The following NVL variants were observed in gnomAD, a reference collection of about 807,000 sequenced individuals.
NVL encodes nuclear VCP like, also known as nuclear valosin-containing protein-like.
In NVL, 84 loss-of-function variants were observed where a neutral mutation model predicts 110.2. That is an observed-to-expected ratio of 0.76 (90% CI 0.64 to 0.91). The LOEUF (loss-of-function observed/expected upper bound fraction) is 0.91. NVL is among the 40% of genes least tolerant of loss of function. The pLI, the probability that NVL is intolerant of heterozygous loss-of-function variation, is 0.00. For missense variants in NVL, 882 were observed against 1,035.9 expected (o/e 0.85, Z 2.04); for synonymous variants, 354 against 361.1 (o/e 0.98, Z 0.22).
intron 4 of NVL, among the ~76,000 whole-genome samples, chr1:224,317,143 G>GAA (rs1237165279): frequency 1.4e-4 from 10 of 69,876 alleles, no homozygotes; most frequent in Non-Finnish European, 1.6e-4. Flanking sequence ...AATCTCAAAA[G>GAA]AAAAAAAAAA....
Position 224,227,676 on chromosome 1 carries a change from A to AGG in NVL, c.2527-8_2527-7dup. The AGG allele has an allele frequency of 6.2e-7, 1 of 1,610,092 alleles. No individual in the cohort carries two copies. The highest frequency in any genetic ancestry group is 8.5e-7 in the Non-Finnish European group (1 of 1,177,346). On this transcript the variant is annotated splice_polypyrimidine_tract_variant and splice_region_variant and intron_variant, in intron 22 of 22. Transcript: ENST00000281701. ...CGTTCATACATGATTTGATCCTGAA[A>AGG]GGAGGGAGAACACAGAATACAGAGA...
In NVL at chr1:224,295,470, G is replaced by C. The variant is rs1200994534; in HGVS notation, c.1180+1031C>G. On this transcript the variant is annotated intron_variant, in intron 11 of 22. Transcript: ENST00000281701. Reference sequence around the variant, plus strand: ...CCACCTCGGCCTCCCAAAGTGCTAAGATTACAGGCATGAGCCACTGCGCCC... The same window carrying C: ...CCACCTCGGCCTCCCAAAGTGCTAACATTACAGGCATGAGCCACTGCGCCC... Among the ~76,000 whole-genome samples the C allele has an allele frequency of 2.6e-5, 4 of 152,042 alleles. No homozygotes were observed. In the East Asian group the frequency reaches 5.8e-4, roughly 22 times the overall value.
intron 17 of NVL, among the ~76,000 whole-genome samples, chr1:224,270,360 C>A (rs558269164): frequency 8.6e-4 from 131 of 152,112 alleles, no homozygotes; most frequent in Non-Finnish European, 1.5e-3. Context: ...AGTGCAAGAC[C>A]AGCCTGGCCA....
intron 15 of NVL, among the ~76,000 whole-genome samples, chr1:224,282,921 C>T (rs1666510893): frequency 6.6e-6 from 1 of 152,152 alleles, no homozygotes; most frequent in Non-Finnish European, 1.5e-5. Flanking sequence ...ATATGTATCT[C>T]TAGGTTTCTA....
chr1:224,305,244 T>C (rs1483990037), intron 6 of NVL, 78 bp from the exon 7 acceptor site: 6 of 1,433,952 alleles, frequency 4.2e-6, no homozygotes, highest in Non-Finnish European at 3.7e-6. Context: ...AAGAGGGGCA[T>C]TGTAAAGAAA....
intron 19 of NVL, among the ~76,000 whole-genome samples, chr1:224,242,304 A>G (rs1661287128): frequency 6.6e-6 from 1 of 152,170 alleles, no homozygotes; most frequent in Admixed American, 6.6e-5. Context: ...GGTAAATTTT[A>G]TGTTATGTAT....
At chr1:224,324,013 C>T (rs947967384) in intron 2 of NVL, among the ~76,000 whole-genome samples, 1 of 152,144 alleles carries the variant, frequency 6.6e-6, no homozygotes, top group Admixed American at 6.5e-5. Flanking sequence ...AGAAGTGTAT[C>T]ATTAAGCATT....
intron 5 of NVL, among the ~76,000 whole-genome samples, chr1:224,311,043 T>C (rs1232517194): frequency 6.6e-6 from 1 of 151,934 alleles, no homozygotes; most frequent in Admixed American, 6.6e-5. Flanking sequence ...TTTTATTCTA[T>C]TCCTTACTGA....
intron 4 of NVL, chr1:224,312,643 A>T (rs1393405158): frequency 2.0e-5 from 3 of 152,020 alleles, no homozygotes; most frequent in Non-Finnish European, 2.9e-5. Flanking sequence ...AACATGGTGA[A>T]ACCCCGTCTC....
chr1:224,295,368 T>C (rs1558319961), intron 11 of NVL, among the ~76,000 whole-genome samples: 2 of 151,912 alleles, frequency 1.3e-5, no homozygotes, highest in African/African-American at 2.4e-5. Context: ...AATTTTTTTA[T>C]TTTTTTATTT....
chr1:224,319,408 C>T (rs1329338146), intron 2 of NVL, among the ~76,000 whole-genome samples: 4 of 151,700 alleles, frequency 2.6e-5, no homozygotes, highest in South Asian at 2.1e-4. Context: ...CCGGGGTTCA[C>T]GCCATTCTCC....
intron 19 of NVL, among the ~76,000 whole-genome samples, chr1:224,238,763 G>A (rs1335372085): frequency 6.6e-6 from 1 of 152,184 alleles, no homozygotes; most frequent in Non-Finnish European, 1.5e-5. Context: ...GCAGGTAGAA[G>A]TGGGTAGTGG....
At chr1:224,234,118 G>A (rs1200073402) in intron 20 of NVL, among the ~76,000 whole-genome samples, 1 of 151,948 alleles carries the variant, frequency 6.6e-6, no homozygotes, top group Non-Finnish European at 1.5e-5. Flanking sequence ...CCTGATTCAA[G>A]TTAAAACTGA....
rs1439050670 is a variant in NVL, at chr1:224,289,573, G to C, written c.1486C>G (p.Gln496Glu). ...VNRVLMKLQE[Q>E]QKKNPEMEDL... ...TCCATTTCAGGATTTTTCTTCTGCT[G>C]TTCCTGTAGCTTCATTAAGACTCTA... Residue 496 changes from glutamine to glutamate, a missense_variant, in exon 13 of 23, where the codon CAG (glutamine) becomes GAG (glutamate). Gln to Glu is a conservative substitution (Grantham distance 29). Around this residue, in one of 4 missense-constraint regions of NVL, gnomAD observed 416 missense variants for 499.3 expected, o/e 0.83. Coordinates refer to ENST00000281701, the MANE Select transcript of NVL (RefSeq NM_002533.4). 2 of 1,614,088 alleles carry C rather than the reference G, an allele frequency of 1.2e-6. No homozygotes were observed. Among genetic ancestry groups the C allele is most frequent in the Non-Finnish European group, 1.7e-6 (2 of 1,180,050 alleles).
intron 12 of NVL, 131 bp from the exon 13 acceptor site, chr1:224,289,864 G>A (rs957649724): frequency 1.3e-6 from 1 of 769,948 alleles, no homozygotes; most frequent in African/African-American, 1.8e-5. Context: ...AGATCAAATA[G>A]TTCAGTCACT....
intron 2 of NVL, among the ~76,000 whole-genome samples, chr1:224,322,668 A>T (rs1670769509): frequency 6.6e-6 from 1 of 152,144 alleles, no homozygotes; most frequent in Non-Finnish European, 1.5e-5. Flanking sequence ...AGAAATATGG[A>T]CACCGCAGGG....
intron 5 of NVL, among the ~76,000 whole-genome samples, chr1:224,308,832 C>T (rs999363088): frequency 6.6e-6 from 1 of 151,878 alleles, no homozygotes; most frequent in Non-Finnish European, 1.5e-5. Flanking sequence ...GAAGCCGAGG[C>T]GGGCGGATCA....
Position 224,300,644 on chromosome 1 carries a change from A to G in NVL, c.980T>C (p.Leu327Ser), listed in dbSNP as rs1386803043. The change falls in exon 10 of 23, where the codon TTG becomes TCG. Residue 327 changes from leucine to serine, a missense_variant. Leu to Ser is a moderately radical substitution (Grantham distance 145, BLOSUM62 -2). Coordinates refer to ENST00000281701, the MANE Select transcript of NVL (RefSeq NM_002533.4). ...CACAATCTCTGGAGCAGCCACTTTC[A>G]AAATTGGCAGGTCAAGTTCCTATGC... ...AIAGELDLPI[L>S]KVAAPEIVSG... 2 of 1,613,702 alleles carry G rather than the reference A, an allele frequency of 1.2e-6. No homozygotes were observed. The highest frequency in any genetic ancestry group is 2.2e-5 in the East Asian group (1 of 44,894).
intron 17 of NVL, among the ~76,000 whole-genome samples, chr1:224,273,113 T>C (rs1281730460): frequency 2.1e-5 from 3 of 145,672 alleles, no homozygotes; most frequent in South Asian, 2.2e-4. Context: ...TATCAGAGTA[T>C]AGAAATGTAT....
Sources: allele counts gnomAD v4.1 joint callset (sites outside exome capture counted in the v4.1 genomes callset), GRCh38; gene constraint gnomAD v4.1.1; regional missense constraint gnomAD v4.1.1; transcripts MANE v1.5; gene names NCBI Gene and HGNC (gene_info 2026-07-23, HGNC 2026-07-21).